The following ANKRD34C variants were observed in gnomAD, a reference collection of about 807,000 sequenced individuals.
ANKRD34C encodes ankyrin repeat domain 34C, also known as ankyrin repeat domain-containing protein 34C.
For synonymous variants in ANKRD34C, 260 were observed against 253.6 expected (o/e 1.03, Z -0.24); for missense variants, 563 against 653.0 (o/e 0.86, Z 1.50).
rs2058673217 is a variant in ANKRD34C at position 79,296,734 on chromosome 15, G to A, written c.*1842G>A. 1.8e-5 allele frequency: 3 copies of A among 167,076 alleles called. No homozygotes were observed. In the South Asian group the frequency reaches 6.2e-4, roughly 35 times the overall value. The allele number at this position is 167,076 out of a possible 1,614,324, so 10.3% of individuals were successfully genotyped here. The stretch of plus-strand genomic sequence containing the variant: ...TTGTAGGATGTTTAGCAGCATCTCT[G>A]GCCTCCACTCACTAGATGGCAGTAA... On this transcript the variant is annotated 3_prime_UTR_variant, in exon 2 of 2. Transcript: ENST00000421388.
chr15:79,287,771 C>T (rs564346605), intron 1 of ANKRD34C, among the ~76,000 whole-genome samples: 1 of 152,350 alleles, frequency 6.6e-6, no homozygotes, highest in Non-Finnish European at 1.5e-5. Flanking sequence ...TGCCTCTCAT[C>T]TCAGCTTCTC....
In ANKRD34C at chr15:79,294,678, C is replaced by T; in HGVS notation, c.1394C>T (p.Pro465Leu). 1 of 1,551,722 alleles carries T rather than the reference C, an allele frequency of 6.4e-7. No individual in the cohort carries two copies. Among genetic ancestry groups the T allele is most frequent in the Non-Finnish European group, 8.7e-7 (1 of 1,146,998 alleles). ...CACACTAGGCCTGGCTTCCTGCCGCCTTTAAATGTGAATCTGAACCCGCCT... is the reference window on the plus strand; with the variant it reads ...CACACTAGGCCTGGCTTCCTGCCGCTTTTAAATGTGAATCTGAACCCGCCT... ...ISHTRPGFLP[P>L]LNVNLNPPIP... The change falls in exon 2 of 2, where the codon CCT becomes CTT. Residue 465 changes from proline (P) to leucine (L), a missense_variant. Physicochemically the swap from Pro to Leu is moderately conservative, Grantham distance 98. Transcript: ENST00000421388.
In ANKRD34C at chr15:79,293,331, T is replaced by C; in HGVS notation, c.47T>C (p.Leu16Ser). 1 of 1,547,784 alleles carries C rather than the reference T, an allele frequency of 6.5e-7. No homozygotes were observed. The highest frequency in any genetic ancestry group is 8.7e-7 in the Non-Finnish European group (1 of 1,145,160). The change falls in exon 2 of 2, where the codon TTA becomes TCA. Residue 16 changes from leucine to serine, a missense_variant. Leu to Ser is a moderately radical substitution (Grantham distance 145, BLOSUM62 -2). Transcript: ENST00000421388. ...TTAAGGACTGATGGAAACTCTTTGT[T>C]AAAGGCTGTGTGGCTGGGGAGGCTC... ...TELRTDGNSL[L>S]KAVWLGRLRL...
chr15:79,296,550 T>C lies in ANKRD34C; in HGVS notation c.*1658T>C, dbSNP rs2058672838. 1 of 167,076 alleles carries C rather than the reference T, an allele frequency of 6.0e-6. No homozygotes were observed. The highest frequency in any genetic ancestry group is 2.4e-5 in the African/African-American group (1 of 41,458). The allele number at this position is 167,076 out of a possible 1,614,324, so 10.3% of individuals were successfully genotyped here. A position where few individuals can be genotyped will look rare whatever the true frequency, so the allele number is the denominator to read the frequency against. ...TTATAAGTACCGATCTCTAAACTCA[T>C]GTGTAAAGTAAAAAATTCTGCCATA... On this transcript the variant is annotated 3_prime_UTR_variant, in exon 2 of 2. Coordinates refer to ENST00000421388, the MANE Select transcript of ANKRD34C (RefSeq NM_001146341.2).
Position 79,294,296 on chromosome 15 carries a change from G to A in ANKRD34C, c.1012G>A (p.Ala338Thr), listed in dbSNP as rs1201161039. The A allele has an allele frequency of 2.6e-6, 4 of 1,551,680 alleles. No homozygotes were observed. Among genetic ancestry groups the A allele is most frequent in the Non-Finnish European group, 3.5e-6 (4 of 1,147,000 alleles). The change falls in exon 2 of 2, where the codon GCT (alanine) becomes ACT (threonine). Residue 338 changes from alanine (A) to threonine (T), a missense_variant. Coordinates refer to ENST00000421388, the MANE Select transcript of ANKRD34C (RefSeq NM_001146341.2). The part of the protein sequence containing the change: ...SWKAAYEKGQ[A>T]PHPRLARRGT... ...GAAAGCAGCCTATGAGAAAGGTCAGGCTCCCCACCCACGTCTGGCCAGGAG... is the reference window on the plus strand; with the variant it reads ...GAAAGCAGCCTATGAGAAAGGTCAGACTCCCCACCCACGTCTGGCCAGGAG...
rs1298119003 is a variant in ANKRD34C, at chr15:79,294,266, T to C, written c.982T>C (p.Ser328Pro). 10 of 1,551,672 alleles carry C rather than the reference T, an allele frequency of 6.4e-6. No individual in the cohort carries two copies. Among genetic ancestry groups the C allele is most frequent in the Non-Finnish European group, 4.4e-6 (5 of 1,146,974 alleles). ...GATTCCAGTCTCTTCAGCACCGGCA[T>C]CCTGGAAAGCAGCCTATGAGAAAGG... ...LKIPVSSAPA[S>P]WKAAYEKGQA... The change falls in exon 2 of 2, where the codon TCC (serine) becomes CCC (proline). Residue 328 changes from serine (S) to proline (P), a missense_variant. Physicochemically the swap from Ser to Pro is moderately conservative, Grantham distance 74 (BLOSUM62 -1). Coordinates refer to ENST00000421388, the MANE Select transcript of ANKRD34C (RefSeq NM_001146341.2).
Position 79,293,060 on chromosome 15 carries a change from C to A in ANKRD34C, c.-44-181C>A, listed in dbSNP as rs184891773. Among the ~76,000 whole-genome samples the A allele has an allele frequency of 2.8e-3, 419 of 152,330 alleles. 3 individuals are homozygous for A. Among genetic ancestry groups the A allele is most frequent in the East Asian group, 0.016 (85 of 5,190 alleles). Reference sequence around the variant, plus strand: ...GAGGTAGGTTACTACTATCACCCCCCCTGCGTCATGACACACTATTACAGA... The same window carrying A: ...GAGGTAGGTTACTACTATCACCCCCACTGCGTCATGACACACTATTACAGA... On this transcript the variant is annotated intron_variant, in intron 1 of 1. Transcript: ENST00000421388.
Position 79,282,876 on chromosome 15 carries a change from ATCTTTCTTTCATGCT to A in ANKRD34C, c.-387_-373del, listed in dbSNP as rs374720517. Among the ~76,000 whole-genome samples, 80 of 152,342 alleles carry A rather than the reference ATCTTTCTTTCATGCT, an allele frequency of 5.3e-4. No individual in the cohort carries two copies. In the East Asian group the frequency reaches 0.014, roughly 26 times the overall value. ...CAGCGCGGAACCGGGGGCGATTCCT[ATCTTTCTTTCATGCT>A]TCTTTCTTTTTCTTAAAACCAAACC... On this transcript the variant is annotated 5_prime_UTR_variant, in exon 1 of 2. An upstream start codon of the reference 5' UTR is lost. Coordinates refer to ENST00000421388, the MANE Select transcript of ANKRD34C (RefSeq NM_001146341.2).
chr15:79,294,596 C>T lies in ANKRD34C; in HGVS notation c.1312C>T (p.Pro438Ser). The change falls in exon 2 of 2, where the codon CCG (proline) becomes TCG (serine). Residue 438 changes from proline to serine, a missense_variant. By Grantham distance (74) the Pro-to-Ser change is moderately conservative. Coordinates refer to ENST00000421388, the MANE Select transcript of ANKRD34C (RefSeq NM_001146341.2). Reference protein sequence around the residue: ...STSPSSARRRPPHLLERRGSG... With the variant: ...STSPSSARRRSPHLLERRGSG... The stretch of plus-strand genomic sequence containing the variant: ...ATCCCCCAGCTCAGCACGCCGCAGG[C>T]CGCCACATCTTCTAGAACGACGAGG... 2 of 1,551,720 alleles carry T rather than the reference C, an allele frequency of 1.3e-6. No homozygotes were observed. The highest frequency in any genetic ancestry group is 8.7e-7 in the Non-Finnish European group (1 of 1,146,990).
Position 79,295,504 on chromosome 15 carries a change from T to C in ANKRD34C, c.*612T>C, listed in dbSNP as rs894067512. On this transcript the variant is annotated 3_prime_UTR_variant, in exon 2 of 2. Coordinates refer to ENST00000421388, the MANE Select transcript of ANKRD34C (RefSeq NM_001146341.2). The stretch of plus-strand genomic sequence containing the variant: ...TATTTTGTTCACATACTAATTTGTA[T>C]GTGCTCTGAGTACCCAAATATCCCA... The C allele has an allele frequency of 1.8e-5, 3 of 167,220 alleles. No individual in the cohort carries two copies. The highest frequency in any genetic ancestry group is 7.2e-5 in the African/African-American group (3 of 41,442). The allele number at this position is 167,220 out of a possible 1,614,324, so 10.4% of individuals were successfully genotyped here.
rs758230110 is a variant in ANKRD34C, at chr15:79,294,163, G to A, written c.879G>A (p.Arg293=). ...KSISDISFPK[R]GPLSRTNSID... ...TCAGTGATATATCCTTCCCTAAAAG[G>A]GGGCCCCTCTCCAGAACCAACAGTA... Residue 293 remains arginine (R), a synonymous_variant, in exon 2 of 2, where the codon AGG becomes AGA. Transcript: ENST00000421388. 54 of 1,551,364 alleles carry A rather than the reference G, an allele frequency of 3.5e-5. No homozygotes were observed. In the African/African-American group the frequency reaches 7.0e-4, roughly 20 times the overall value.
In ANKRD34C at chr15:79,298,006, C is replaced by T. The variant is rs563538579; in HGVS notation, c.*3114C>T. 23 of 166,618 alleles carry T rather than the reference C, an allele frequency of 1.4e-4. No homozygotes were observed. The Admixed American group carries it at 1.5e-3, about 11-fold the overall frequency. The allele number at this position is 166,618 out of a possible 1,614,324, so 10.3% of individuals were successfully genotyped here. A position where few individuals can be genotyped will look rare whatever the true frequency, so the allele number is the denominator to read the frequency against. ...TTCTTTTTAAAAAGCCCATTGTCAA[C>T]TCTCTTAGAACTTCATCAAGTAAAT... On this transcript the variant is annotated 3_prime_UTR_variant, in exon 2 of 2. Coordinates refer to ENST00000421388, the MANE Select transcript of ANKRD34C (RefSeq NM_001146341.2).
intron 1 of ANKRD34C, among the ~76,000 whole-genome samples, chr15:79,291,196 C>A (rs1286608322): frequency 1.3e-5 from 2 of 152,094 alleles, no homozygotes; most frequent in African/African-American, 4.8e-5. Flanking sequence ...TAAAGAAGAG[C>A]AAGGACGCCT....
At position 79,293,425 on chromosome 15, in the gene ANKRD34C, T is replaced by C. The variant is rs749040437; in HGVS notation, c.141T>C (p.Ala47=). Residue 47 remains alanine, a synonymous_variant, in exon 2 of 2, where the codon GCT becomes GCC. Coordinates refer to ENST00000421388, the MANE Select transcript of ANKRD34C (RefSeq NM_001146341.2). The part of the protein sequence containing the change: ...INESNDKGET[A]LMVACITKHV... Reference sequence around the variant, plus strand: ...AAAGCAATGACAAAGGCGAAACAGCTCTCATGGTGGCGTGCATCACCAAAC... The same window carrying C: ...AAAGCAATGACAAAGGCGAAACAGCCCTCATGGTGGCGTGCATCACCAAAC... 1.9e-4 allele frequency: 294 copies of C among 1,551,504 alleles called. No homozygotes were observed. The highest frequency in any genetic ancestry group is 2.3e-4 in the Non-Finnish European group (263 of 1,146,980).
At chr15:79,288,283 G>A (rs1377557399) in intron 1 of ANKRD34C, among the ~76,000 whole-genome samples, 1 of 152,202 alleles carries the variant, frequency 6.6e-6, no homozygotes, top group Non-Finnish European at 1.5e-5. Flanking sequence ...ACGCAAGGGA[G>A]GAGGAAGAGC....
At chr15:79,286,100 G>A (rs954327495) in intron 1 of ANKRD34C, among the ~76,000 whole-genome samples, 1 of 152,120 alleles carries the variant, frequency 6.6e-6, no homozygotes, top group African/African-American at 2.4e-5. Context: ...TCTGACACTG[G>A]TGATATTTTA....
intron 1 of ANKRD34C, among the ~76,000 whole-genome samples, chr15:79,288,812 C>CTTTTTTT (rs60075615): frequency 2.0e-3 from 111 of 55,524 alleles, no homozygotes; most frequent in African/African-American, 3.2e-3. Context: ...GCCCAGTATT[C>CTTTTTTT]TTTTTTTTTT....
At position 79,294,092 on chromosome 15, in the gene ANKRD34C, GATGAGACCC is replaced by G. The variant is rs2058666456; in HGVS notation, c.812_820del (p.Glu271_His273del). The G allele has an allele frequency of 6.4e-7, 1 of 1,551,562 alleles. No homozygotes were observed. Among genetic ancestry groups the G allele is most frequent in the Non-Finnish European group, 8.7e-7 (1 of 1,146,994 alleles). ...GGTGCTGGCAGCCTCGACGCGTCAG[GATGAGACCC>G]ATGGTGCCAGCACAGACAACGAGGT... is the stretch of plus-strand genomic sequence containing the variant. On this transcript the variant is annotated inframe_deletion, in exon 2 of 2. Coordinates refer to ENST00000421388, the MANE Select transcript of ANKRD34C (RefSeq NM_001146341.2).
At chr15:79,293,054 A>AC (rs531534151) in intron 1 of ANKRD34C, among the ~76,000 whole-genome samples, 187 bp from the exon 2 acceptor site, 101 of 151,918 alleles carry the variant, frequency 6.6e-4, no homozygotes, top group East Asian at 2.7e-3. Context: ...TACTACTATC[A>AC]CCCCCCCTGC....
Sources: allele counts gnomAD v4.1 joint callset (sites outside exome capture counted in the v4.1 genomes callset), GRCh38; gene constraint gnomAD v4.1.1; transcripts MANE v1.5; gene names NCBI Gene and HGNC (gene_info 2026-07-23, HGNC 2026-07-21).